The following R3HDM1 variants were observed in gnomAD, a reference collection of about 807,000 sequenced individuals.
R3HDM1 encodes R3H domain containing 1, also known as R3H domain-containing protein 1.
R3HDM1 carries 46 observed loss-of-function variants against 141.1 expected under a neutral mutation model. The observed-to-expected ratio is 0.33, with a 90% CI of 0.26 to 0.42. The LOEUF is 0.42. Ranked by LOEUF, R3HDM1 falls within the 10% of genes least tolerant of loss-of-function variation. The probability of loss-of-function intolerance (pLI) is 1.00; values close to 1 mark genes in which losing one functional copy is unlikely to be tolerated. For missense variants in R3HDM1, 1,184 were observed against 1,368.3 expected, an observed-to-expected ratio of 0.87 and a Z score of 2.12; for synonymous variants, 435 against 472.9, an observed-to-expected ratio of 0.92 and a Z score of 1.04.
At chr2:135,555,359 A>G (rs532903362) in intron 1 of R3HDM1, among the ~76,000 whole-genome samples, 3 of 152,096 alleles carry the variant, frequency 2.0e-5, no homozygotes, top group South Asian at 2.1e-4. Context: ...AATCAAAGCC[A>G]TAGTGAGATA....
At chr2:135,565,474 G>A (rs573511129) in intron 1 of R3HDM1, among the ~76,000 whole-genome samples, 7 of 151,410 alleles carry the variant, frequency 4.6e-5, no homozygotes, top group Non-Finnish European at 7.4e-5. Context: ...TGATAGGCAC[G>A]TGCCATTGCA....
intron 1 of R3HDM1, among the ~76,000 whole-genome samples, chr2:135,570,694 A>G (rs1703909529): frequency 6.6e-6 from 1 of 152,264 alleles, no homozygotes; most frequent in Non-Finnish European, 1.5e-5. Context: ...GAAATTAAGT[A>G]ATTCACAGAC....
chr2:135,680,431 T>A, intron 21 of R3HDM1, 107 bp downstream of exon 21: 2 of 1,254,556 alleles, frequency 1.6e-6, no homozygotes, highest in Non-Finnish European at 2.2e-6. Flanking sequence ...GAGAACATTC[T>A]CTAATGTAGA....
intron 1 of R3HDM1, among the ~76,000 whole-genome samples, chr2:135,589,848 T>C (rs1708837083): frequency 6.6e-6 from 1 of 152,032 alleles, no homozygotes; most frequent in Non-Finnish European, 1.5e-5. Flanking sequence ...TTACATTATA[T>C]AATATATATG....
rs1156529196 is a variant in R3HDM1 at position 135,722,619 on chromosome 2, G to A, written c.3049+66G>A. The A allele has an allele frequency of 9.7e-6, 14 of 1,442,042 alleles. 1 individual carries two copies. Among genetic ancestry groups the A allele is most frequent in the South Asian group, 1.2e-5 (1 of 80,528 alleles). 89.3% of individuals were successfully genotyped at this position (1,442,042 alleles called of 1,614,324 possible). On this transcript the variant is annotated intron_variant, in intron 26 of 26. Coordinates refer to ENST00000683871, the MANE Select transcript of R3HDM1 (RefSeq NM_001378107.1). ...GGTGACAGTCTAAAAATACACCACA[G>A]CACAGAAATGGGTTTTCCTCTTCCT... is the stretch of plus-strand genomic sequence containing the variant.
intron 5 of R3HDM1, among the ~76,000 whole-genome samples, chr2:135,618,444 G>A (rs1480751905): frequency 6.8e-6 from 1 of 147,822 alleles, no homozygotes; most frequent in African/African-American, 2.5e-5. Flanking sequence ...TTACAAGTGT[G>A]AGCCACCGCG....
intron 1 of R3HDM1, chr2:135,597,004 G>A (rs1159081104): frequency 3.1e-6 from 3 of 981,992 alleles, no homozygotes; most frequent in Admixed American, 6.2e-5. Context: ...CAATGTATGA[G>A]AGGCCCATTG....
chr2:135,622,848 C>T, intron 7 of R3HDM1, 116 bp downstream of exon 7: 1 of 1,337,010 alleles, frequency 7.5e-7, no homozygotes, highest in South Asian at 2.0e-5. Context: ...TGAAGTACAC[C>T]AGAAACATTT....
At chr2:135,699,075 T>TTAGA (rs59211429) in intron 21 of R3HDM1, among the ~76,000 whole-genome samples, 61,646 of 132,140 alleles carry the variant, frequency 0.47, 18,508 homozygotes, top group Non-Finnish European at 0.66. Context: ...ATTAGATAGA[T>TTAGA]TAGATAGATA....
chr2:135,667,133 A>C (rs2067642716), intron 19 of R3HDM1: 1 of 942,974 alleles, frequency 1.1e-6, no homozygotes, highest in African/African-American at 1.8e-5. Context: ...TCACCTATAT[A>C]AAATAAAATC....
intron 19 of R3HDM1, chr2:135,667,728 T>G: frequency 2.0e-6 from 2 of 982,522 alleles, no homozygotes; most frequent in Non-Finnish European, 2.4e-6. Flanking sequence ...CTACTTCTCC[T>G]TCCTAATCCT....
intron 18 of R3HDM1, among the ~76,000 whole-genome samples, chr2:135,659,049 C>CTGGGTGTGTGTG (rs2066293364): frequency 4.7e-5 from 6 of 126,496 alleles, no homozygotes; most frequent in Non-Finnish European, 1.7e-5. Flanking sequence ...CTACCTGAGT[C>CTGGGTGTGTGTG]TGTGTGTGTG....
At chr2:135,553,733 C>T (rs1700228997) in intron 1 of R3HDM1, among the ~76,000 whole-genome samples, 1 of 152,192 alleles carries the variant, frequency 6.6e-6, no homozygotes, top group Non-Finnish European at 1.5e-5. Flanking sequence ...ACTCTGTCGC[C>T]CAGGCTGGAG....
chr2:135,669,601 G>T, intron 19 of R3HDM1: 1 of 983,612 alleles, frequency 1.0e-6, no homozygotes, highest in Non-Finnish European at 1.2e-6. Flanking sequence ...TTCAACATGT[G>T]TTCCTCAAAA....
At chr2:135,604,509 T>C (rs2059885130) in intron 2 of R3HDM1, among the ~76,000 whole-genome samples, 1 of 152,214 alleles carries the variant, frequency 6.6e-6, no homozygotes, top group African/African-American at 2.4e-5. Flanking sequence ...GTTGCCCTGG[T>C]TGGCCTCTGC....
chr2:135,689,111 T>C (rs2071888092), intron 21 of R3HDM1, among the ~76,000 whole-genome samples: 2 of 152,224 alleles, frequency 1.3e-5, no homozygotes, highest in African/African-American at 4.8e-5. Context: ...CTGAGCAACA[T>C]TATTTTTTGA....
At chr2:135,607,249 A>T (rs1030019186) in intron 3 of R3HDM1, 1 of 920,772 alleles carries the variant, frequency 1.1e-6, no homozygotes, top group African/African-American at 1.8e-5. Context: ...AGCCTCCCAA[A>T]CTGCTGAGAT....
At chr2:135,714,651 CTTG>C (rs2075979181) in intron 23 of R3HDM1, among the ~76,000 whole-genome samples, 1 of 151,626 alleles carries the variant, frequency 6.6e-6, no homozygotes, top group Non-Finnish European at 1.5e-5. Context: ...TATAAAAGTC[CTTG>C]TTGTTAGGAA....
Position 135,656,732 on chromosome 2 carries a change from T to C in R3HDM1, c.2029-4538T>C, listed in dbSNP as rs77790287. On this transcript the variant is annotated intron_variant, in intron 18 of 26. Coordinates refer to ENST00000683871, the MANE Select transcript of R3HDM1 (RefSeq NM_001378107.1). ...TACATTCTCTCCGTCCTTTTGCTGTTGTTGCCATATACATTGCATCTCTAT... is the reference window on the plus strand; with the variant it reads ...TACATTCTCTCCGTCCTTTTGCTGTCGTTGCCATATACATTGCATCTCTAT... Among the ~76,000 whole-genome samples, 1,616 of 152,324 alleles carry C rather than the reference T, an allele frequency of 0.011. 100 individuals are homozygous for C. In the East Asian group the frequency reaches 0.19, roughly 18 times the overall value.
Sources: allele counts gnomAD v4.1 joint callset (sites outside exome capture counted in the v4.1 genomes callset), GRCh38; gene constraint gnomAD v4.1.1; transcripts MANE v1.5; gene names NCBI Gene and HGNC (gene_info 2026-07-23, HGNC 2026-07-21).